RELN: variants seen among roughly 807,000 people sequenced by gnomAD.
The protein encoded by RELN is reelin.
RELN carries 108 observed loss-of-function variants against 427.6 expected under a neutral mutation model. That is an observed-to-expected ratio of 0.25 (90% CI 0.22 to 0.30). RELN has a LOEUF of 0.30. Ranked by LOEUF, RELN falls within the 10% of genes least tolerant of loss-of-function variation. The pLI is 1.00. For synonymous variants in RELN, 1,524 were observed against 1,513.4 expected, an observed-to-expected ratio of 1.01 and a Z score of -0.16; for missense variants, 3,715 against 4,302.8, an observed-to-expected ratio of 0.86 and a Z score of 3.82.
intron 52 of RELN, among the ~76,000 whole-genome samples, chr7:103,502,100 C>T (rs1373358167): frequency 2.6e-5 from 4 of 152,152 alleles, no homozygotes; most frequent in Admixed American, 6.6e-5. Context: ...TCAACCAGCC[C>T]TAGAGTTCAC....
intron 40 of RELN, 89 bp downstream of exon 40, chr7:103,553,372 G>A: frequency 1.0e-6 from 1 of 978,226 alleles, no homozygotes; most frequent in South Asian, 1.4e-5. Context: ...AGGTCATAAT[G>A]CATGAAATTA....
chr7:103,791,839 G>T (rs1189696593), intron 3 of RELN, among the ~76,000 whole-genome samples: 1 of 151,816 alleles, frequency 6.6e-6, no homozygotes, highest in Non-Finnish European at 1.5e-5. Flanking sequence ...ATCTGATAAA[G>T]AAATAGTATC....
At chr7:103,932,243 G>A (rs991838801) in intron 1 of RELN, among the ~76,000 whole-genome samples, 1 of 152,160 alleles carries the variant, frequency 6.6e-6, no homozygotes, top group Non-Finnish European at 1.5e-5. Context: ...GTAGGAACAC[G>A]GATGGAGCTG....
At chr7:103,588,167 A>G (rs887668480) in intron 28 of RELN, among the ~76,000 whole-genome samples, 1 of 152,178 alleles carries the variant, frequency 6.6e-6, no homozygotes, top group African/African-American at 2.4e-5. Context: ...ATGGATATAC[A>G]CAATGAAATA....
At chr7:103,710,735 C>T (rs952480461) in intron 8 of RELN, among the ~76,000 whole-genome samples, 2 of 152,140 alleles carry the variant, frequency 1.3e-5, no homozygotes, top group African/African-American at 2.4e-5. Flanking sequence ...ATTGTTGTCA[C>T]AGGAAAGGTG....
chr7:103,962,930 C>T (rs1383188038), intron 1 of RELN, among the ~76,000 whole-genome samples: 1 of 152,146 alleles, frequency 6.6e-6, no homozygotes, highest in Non-Finnish European at 1.5e-5. Context: ...TTTACTTACA[C>T]TGTCTAAGGA....
At chr7:103,927,678 G>A (rs1795775545) in intron 1 of RELN, among the ~76,000 whole-genome samples, 2 of 152,066 alleles carry the variant, frequency 1.3e-5, no homozygotes, top group African/African-American at 4.8e-5. Flanking sequence ...TTTACAGCAT[G>A]GCACTTAGTA....
chr7:103,908,219 C>T (rs147531526), intron 2 of RELN, among the ~76,000 whole-genome samples: 34 of 152,236 alleles, frequency 2.2e-4, no homozygotes, highest in African/African-American at 8.2e-4. Flanking sequence ...TTGAGTGCAG[C>T]TCCCCAAAAT....
chr7:103,513,050 T>C (rs1163795671), intron 50 of RELN: 1 of 152,234 alleles, frequency 6.6e-6, no homozygotes, highest in Non-Finnish European at 1.5e-5. Flanking sequence ...TGGAGCCACA[T>C]TTAGTCCTAC....
intron 2 of RELN, among the ~76,000 whole-genome samples, chr7:103,864,384 A>T (rs748624580): frequency 1.3e-5 from 2 of 152,194 alleles, no homozygotes; most frequent in Non-Finnish European, 2.9e-5. Context: ...AATGCTGTGC[A>T]GCACACCTCT....
intron 50 of RELN, among the ~76,000 whole-genome samples, chr7:103,514,347 A>AAAAC (rs1829504898): frequency 6.6e-6 from 1 of 151,960 alleles, no homozygotes; most frequent in African/African-American, 2.4e-5. Context: ...TCATGAAATG[A>AAAAC]AAACAAGACA....
intron 28 of RELN, among the ~76,000 whole-genome samples, chr7:103,581,720 TGCTTTGACCAAAAG>T (rs1402781379): frequency 6.6e-6 from 1 of 152,140 alleles, no homozygotes; most frequent in Non-Finnish European, 1.5e-5. Flanking sequence ...CTTTGTGACT[TGCTTTGACCAAAAG>T]GATGTGGCAA....
At position 103,699,132 on chromosome 7, in the gene RELN, C is replaced by T. The variant is rs1455627408; in HGVS notation, c.903-1039G>A. Among the ~76,000 whole-genome samples the T allele has an allele frequency of 2.6e-5, 4 of 152,136 alleles. No individual in the cohort carries two copies. In the East Asian group the frequency reaches 5.8e-4, roughly 22 times the overall value. Reference sequence around the variant, plus strand: ...TTTCTTCCACCAAAGTAGAAACCTGCTGTAGTAAAAATGATTGCCTTTGCT... The same window carrying T: ...TTTCTTCCACCAAAGTAGAAACCTGTTGTAGTAAAAATGATTGCCTTTGCT... On this transcript the variant is annotated intron_variant, in intron 9 of 64. Transcript: ENST00000428762.
intron 23 of RELN, among the ~76,000 whole-genome samples, 171 bp downstream of exon 23, chr7:103,604,175 T>C (rs991391235): frequency 6.6e-6 from 1 of 152,244 alleles, no homozygotes. Flanking sequence ...CTTATTTTAA[T>C]GTAACAATAG....
chr7:103,548,276 G>C (rs774573091), intron 41 of RELN, among the ~76,000 whole-genome samples: 2 of 152,324 alleles, frequency 1.3e-5, no homozygotes, highest in Middle Eastern at 6.8e-3. Context: ...TACACTTTTT[G>C]TGTGTATTTC....
chr7:103,804,571 T>C (rs986450262), intron 3 of RELN, among the ~76,000 whole-genome samples: 1 of 152,168 alleles, frequency 6.6e-6, no homozygotes, highest in Non-Finnish European at 1.5e-5. Context: ...AGAAATATGG[T>C]CATAAATAAT....
chr7:103,796,785 T>G (rs555838382), intron 3 of RELN, among the ~76,000 whole-genome samples: 1 of 143,410 alleles, frequency 7.0e-6, no homozygotes. Context: ...CGCTTGAACC[T>G]GGGAGGCGGA....
Position 103,497,993 on chromosome 7 carries a change from A to C in RELN, c.8844-67T>G. 1.9e-6 allele frequency: 3 copies of C among 1,600,712 alleles called. No homozygotes were observed. In the Admixed American group the frequency reaches 5.0e-5, roughly 27 times the overall value. On this transcript the variant is annotated intron_variant, in intron 54 of 64. Transcript: ENST00000428762. ...AACAAATACTCTACTCAAGTCCTGG[A>C]TAATTTCTTCCATACAAGTGTTCCT...
chr7:103,769,341 C>G (rs1791507767), intron 4 of RELN, among the ~76,000 whole-genome samples: 1 of 152,152 alleles, frequency 6.6e-6, no homozygotes. Flanking sequence ...GCTGGCTTGC[C>G]CCTTTGCCTT....
Sources: allele counts gnomAD v4.1 joint callset (sites outside exome capture counted in the v4.1 genomes callset), GRCh38; gene constraint gnomAD v4.1.1; transcripts MANE v1.5; gene names NCBI Gene and HGNC (gene_info 2026-07-23, HGNC 2026-07-21).